MID1: variants seen among roughly 807,000 people sequenced by gnomAD.
The protein encoded by MID1 is E3 ubiquitin-protein ligase Midline-1.
In MID1, 7 loss-of-function variants were observed where a neutral mutation model predicts 40.4. The observed-to-expected ratio is 0.17, with a 90% CI of 0.10 to 0.33. The LOEUF is 0.33. Ranked by LOEUF, MID1 falls within the 10% of genes least tolerant of loss-of-function variation. The pLI, the probability that MID1 is intolerant of heterozygous loss-of-function variation, is 1.00. For missense variants in MID1, 367 were observed against 558.5 expected (o/e 0.66, Z 3.46); for synonymous variants, 229 against 221.2 (o/e 1.04, Z -0.31).
At chrX:10,580,921 T>A (rs1489908041) in intron 1 of MID1, among the ~76,000 whole-genome samples, 1 of 91,221 alleles carries the variant, frequency 1.1e-5, no homozygotes, top group Non-Finnish European at 2.1e-5. Flanking sequence ...ACACTGTCAA[T>A]GTGGTGTCCT....
At chrX:10,739,644 A>G (rs925791472) in intron 1 of MID1, among the ~76,000 whole-genome samples, 3 of 112,114 alleles carry the variant, frequency 2.7e-5, no homozygotes, top group Non-Finnish European at 5.6e-5. Context: ...TGAAGTGCCA[A>G]TGGGTTGGGT....
At chrX:10,602,183 C>T (rs1352038106) in intron 1 of MID1, among the ~76,000 whole-genome samples, 1 of 105,815 alleles carries the variant, frequency 9.5e-6, no homozygotes, top group East Asian at 2.9e-4. Context: ...GTATTTTAAT[C>T]TGGGATAAAA....
chrX:10,471,316 C>T (rs779284903), intron 6 of MID1, among the ~76,000 whole-genome samples: 2 of 112,199 alleles, frequency 1.8e-5, no homozygotes, highest in South Asian at 7.4e-4. Context: ...TTAAACTCTG[C>T]GTTAGTAGTC....
At chrX:10,532,734 T>C (rs2147388288) in intron 2 of MID1, among the ~76,000 whole-genome samples, 1 of 110,138 alleles carries the variant, frequency 9.1e-6, no homozygotes, top group East Asian at 2.8e-4. Flanking sequence ...AAACCTTGCG[T>C]GCCGCCTGTT....
chrX:10,451,963 A>AC (rs762389106), intron 9 of MID1, among the ~76,000 whole-genome samples: 5 of 110,999 alleles, frequency 4.5e-5, no homozygotes, highest in Non-Finnish European at 7.6e-5. Context: ...AGTATCTCCC[A>AC]CCCCCCAAAA....
chrX:10,799,968 G>A (rs929925887), intron 1 of MID1, among the ~76,000 whole-genome samples: 3 of 108,416 alleles, frequency 2.8e-5, no homozygotes, highest in Non-Finnish European at 3.8e-5. Context: ...TTAACAAGAC[G>A]CAAAATTCCC....
chrX:10,641,671 C>T (rs141418917), intron 1 of MID1, among the ~76,000 whole-genome samples: 7,748 of 111,545 alleles, frequency 0.069, 376 homozygotes, highest in African/African-American at 0.17. Flanking sequence ...TTTTATAAGG[C>T]CAACATCATC....
At chrX:10,564,852 T>C (rs1442508436) in intron 2 of MID1, among the ~76,000 whole-genome samples, 2 of 110,914 alleles carry the variant, frequency 1.8e-5, no homozygotes, top group Non-Finnish European at 3.8e-5. Context: ...AAACAATCAT[T>C]AAAAGGTAGT....
At chrX:10,721,411 A>C (rs770508184) in intron 1 of MID1, among the ~76,000 whole-genome samples, 1 of 110,629 alleles carries the variant, frequency 9.0e-6, no homozygotes, top group South Asian at 3.9e-4. Context: ...AAAGGACCAA[A>C]GAAGCTGAGG....
At chrX:10,656,112 T>A (rs1271573794) in intron 1 of MID1, among the ~76,000 whole-genome samples, 1 of 112,294 alleles carries the variant, frequency 8.9e-6, no homozygotes, top group East Asian at 2.8e-4. Flanking sequence ...AGTAAAACAA[T>A]TTTTTGCCAT....
intron 3 of MID1, among the ~76,000 whole-genome samples, chrX:10,511,603 G>T (rs1196642100): frequency 3.6e-5 from 4 of 111,728 alleles, no homozygotes; most frequent in Admixed American, 2.9e-4. Flanking sequence ...TGCCCAGGTT[G>T]GTTCTAAACT....
intron 1 of MID1, among the ~76,000 whole-genome samples, chrX:10,780,907 G>T (rs1422076161): frequency 9.0e-6 from 1 of 111,313 alleles, no homozygotes; most frequent in Admixed American, 9.6e-5. Flanking sequence ...TCACAATAGG[G>T]TTCACACTTC....
chrX:10,560,406 C>T (rs1159728621), intron 2 of MID1, among the ~76,000 whole-genome samples: 8 of 110,977 alleles, frequency 7.2e-5, no homozygotes, highest in Admixed American at 3.9e-4. Flanking sequence ...GATGGGTATT[C>T]GAATAGGAGA....
At chrX:10,480,335 A>G (rs991990198) in intron 5 of MID1, among the ~76,000 whole-genome samples, 5 of 112,536 alleles carry the variant, frequency 4.4e-5, no homozygotes, top group African/African-American at 9.7e-5. Context: ...GCTATACTTC[A>G]GATGCATATC....
rs1199253827 is a variant in MID1 at position 10,721,069 on chromosome X, G to C, written c.-186-100650C>G. 4.6e-5 allele frequency among the ~76,000 whole-genome samples: 5 copies of C among 107,845 alleles called. No homozygotes were observed. The Admixed American group carries it at 5.0e-4, about 11-fold the overall frequency. 93.7% of individuals were successfully genotyped at this position (107,845 alleles called of 115,157 possible). On this transcript the variant is annotated intron_variant, in intron 1 of 10. Coordinates refer to the MID1 transcript ENST00000380785. ...GTTGTGGGGTGGGGGGAGGCGGGAG[G>C]GATAGCATTAGGAGATATACCTAAT...
intron 1 of MID1, among the ~76,000 whole-genome samples, chrX:10,636,793 T>G (rs1031231528): frequency 7.6e-5 from 6 of 78,632 alleles, no homozygotes; most frequent in Admixed American, 4.1e-4. Context: ...GGGATATATA[T>G]ATATATATAT....
intron 1 of MID1, among the ~76,000 whole-genome samples, chrX:10,729,083 C>T (rs2043421703): frequency 9.0e-6 from 1 of 111,703 alleles, no homozygotes; most frequent in Admixed American, 9.6e-5. Flanking sequence ...ATTTCTATAC[C>T]CCTTTGTGAG....
At chrX:10,738,602 A>T (rs2043502159) in intron 1 of MID1, among the ~76,000 whole-genome samples, 1 of 111,548 alleles carries the variant, frequency 9.0e-6, no homozygotes, top group South Asian at 3.8e-4. Flanking sequence ...TTAGTAGAAG[A>T]AATACTGTTT....
intron 1 of MID1, among the ~76,000 whole-genome samples, chrX:10,613,843 A>G (rs1400982625): frequency 3.8e-5 from 4 of 104,806 alleles, no homozygotes; most frequent in Non-Finnish European, 7.8e-5. Flanking sequence ...AACCATATAC[A>G]TATAGTTCAG....
Sources: allele counts gnomAD v4.1 joint callset (sites outside exome capture counted in the v4.1 genomes callset), GRCh38; gene constraint gnomAD v4.1.1; transcripts MANE v1.5; gene names NCBI Gene and HGNC (gene_info 2026-07-23, HGNC 2026-07-21).